Variants in TG observed in about 807,000 individuals in gnomAD.
TG encodes thyroid hormones.
TG carries 270 observed loss-of-function variants against 324.7 expected under a neutral mutation model. The observed-to-expected ratio is 0.83, with a 90% confidence interval of 0.75 to 0.92. The LOEUF is 0.92. Ranked by LOEUF, TG falls within the 40% of genes least tolerant of loss-of-function variation. The pLI is 0.00. For missense variants in TG, 3,591 were observed against 3,456.4 expected (o/e 1.04, Z -0.98); for synonymous variants, 1,401 against 1,327.0 (o/e 1.06, Z -1.21).
chr8:133,101,615 C>G (rs1316974311), intron 43 of TG, among the ~76,000 whole-genome samples: 1 of 152,214 alleles, frequency 6.6e-6, no homozygotes, highest in South Asian at 2.1e-4. Flanking sequence ...GGGTGTCCAG[C>G]ATGTTTTTGT....
chr8:132,900,286 T>C lies in TG; in HGVS notation c.3380T>C (p.Val1127Ala). 6.2e-7 allele frequency: 1 copy of C among 1,614,094 alleles called. No homozygotes were observed. The highest frequency in any genetic ancestry group is 1.7e-4 in the Middle Eastern group (1 of 6,056). ...LQASGAGTWC[V>A]DPASGEELRP... ...GCATCGGGGGCTGGCACCTGGTGTG[T>C]GGACCCTGCATCAGGAGAAGAGTTG... The change falls in exon 15 of 48, where the codon GTG becomes GCG. Residue 1127 changes from valine to alanine, a missense_variant. Val to Ala is a moderately conservative substitution (Grantham distance 64). Transcript: ENST00000220616.
intron 47 of TG, among the ~76,000 whole-genome samples, chr8:133,134,330 G>C (rs1182824565): frequency 6.6e-6 from 1 of 152,162 alleles, no homozygotes; most frequent in Non-Finnish European, 1.5e-5. Flanking sequence ...ATGCTGGGCT[G>C]TGGTTTTTAG....
At chr8:132,951,068 A>G (rs1826034754) in intron 27 of TG, among the ~76,000 whole-genome samples, 1 of 151,354 alleles carries the variant, frequency 6.6e-6, no homozygotes, top group African/African-American at 2.4e-5. Flanking sequence ...TTTCTTAACC[A>G]CTTCTCTGTA....
At position 132,887,980 on chromosome 8, in the gene TG, C is replaced by G; in HGVS notation, c.2177-4C>G. ...TGAAACACCTGCTCATTGTTCCTCC[C>G]CAGGCCCCACGCCCTGTCAATTACA... is the stretch of plus-strand genomic sequence containing the variant. On this transcript the variant is annotated splice_region_variant and splice_polypyrimidine_tract_variant and intron_variant, in intron 9 of 47. Coordinates refer to ENST00000220616, the MANE Select transcript of TG (RefSeq NM_003235.5). 4.3e-6 allele frequency: 7 copies of G among 1,612,420 alleles called. No individual in the cohort carries two copies. The highest frequency in any genetic ancestry group is 5.9e-6 in the Non-Finnish European group (7 of 1,179,292).
intron 43 of TG, among the ~76,000 whole-genome samples, chr8:133,097,593 AT>A (rs1012591905): frequency 6.6e-6 from 1 of 152,244 alleles, no homozygotes; most frequent in Non-Finnish European, 1.5e-5. Context: ...TAGCATTCAT[AT>A]TTTTAAAAAC....
intron 41 of TG, among the ~76,000 whole-genome samples, chr8:133,056,919 C>T (rs893583625): frequency 6.6e-6 from 1 of 152,182 alleles, no homozygotes; most frequent in Admixed American, 6.5e-5. Flanking sequence ...TGGCGGCTAC[C>T]TTCCACCATC....
chr8:132,872,068 TAGA>T (rs1471285340), intron 4 of TG, among the ~76,000 whole-genome samples: 2 of 152,202 alleles, frequency 1.3e-5, no homozygotes, highest in Non-Finnish European at 1.5e-5. Context: ...GAAAAGTTTA[TAGA>T]AGAAGGATAT....
intron 25 of TG, among the ~76,000 whole-genome samples, chr8:132,938,547 G>A (rs1015530430): frequency 1.3e-5 from 2 of 152,318 alleles, no homozygotes; most frequent in Admixed American, 1.3e-4. Flanking sequence ...GGTGCAATAA[G>A]CACTTTTGTA....
In TG at chr8:132,893,981, A is replaced by G. The variant is rs540608304; in HGVS notation, c.3001+52A>G. ...TACTGCATCGCTTTGGAAAAGCAGG[A>G]GCTTAAATTCGTCTCTCCTCAGTCA... On this transcript the variant is annotated intron_variant, in intron 11 of 47. Coordinates refer to ENST00000220616, the MANE Select transcript of TG (RefSeq NM_003235.5). 13 of 1,613,658 alleles carry G rather than the reference A, an allele frequency of 8.1e-6. No individual in the cohort carries two copies. The Admixed American group carries it at 1.8e-4, about 23-fold the overall frequency.
At chr8:133,121,964 C>G (rs751287821) in intron 45 of TG, among the ~76,000 whole-genome samples, 14 of 148,340 alleles carry the variant, frequency 9.4e-5, no homozygotes, top group Non-Finnish European at 1.5e-5. Flanking sequence ...ATCTCTCTTT[C>G]TCTCTCTCTC....
chr8:133,093,143 T>TC (rs55977841), intron 41 of TG, among the ~76,000 whole-genome samples: 4,688 of 93,520 alleles, frequency 0.05, 247 homozygotes, highest in African/African-American at 0.14. Context: ...TCTTTTCTTT[T>TC]TTTTTTTTAA....
rs752664668 is a variant in TG, at chr8:133,116,611, A to G, written c.7757A>G (p.Asp2586Gly). Residue 2586 changes from aspartate to glycine, a missense_variant and splice_region_variant, in exon 45 of 48, where the codon GAC becomes GGC. Asp to Gly is a moderately conservative substitution (Grantham distance 94). Transcript: ENST00000220616. The part of the protein sequence containing the change: ...FSRALENATR[D>G]YFIICPIIDM... ...CCCCCATGTTCTCTTTTCACCAGGGACTACTTTATCATCTGCCCTATAATC... is the reference window on the plus strand; with the variant it reads ...CCCCCATGTTCTCTTTTCACCAGGGGCTACTTTATCATCTGCCCTATAATC... 6.2e-7 allele frequency: 1 copy of G among 1,613,812 alleles called. No homozygotes were observed.
chr8:132,934,150 T>C (rs535116746), intron 24 of TG, among the ~76,000 whole-genome samples: 1 of 152,192 alleles, frequency 6.6e-6, no homozygotes, highest in East Asian at 1.9e-4. Context: ...CTGGCCAACA[T>C]GGAGAAACCC....
chr8:133,066,183 G>A (rs6992986), intron 41 of TG, among the ~76,000 whole-genome samples: 22,469 of 152,056 alleles, frequency 0.15, 2,223 homozygotes, highest in Non-Finnish European at 0.21. Context: ...TAAATTAGCC[G>A]GGCGTGGTGG....
At chr8:133,052,743 G>A (rs1365969706) in intron 41 of TG, among the ~76,000 whole-genome samples, 1 of 152,148 alleles carries the variant, frequency 6.6e-6, no homozygotes, top group Non-Finnish European at 1.5e-5. Context: ...ATACACAATT[G>A]CAAATACAAA....
chr8:132,977,968 G>A (rs561562278), intron 34 of TG, among the ~76,000 whole-genome samples: 2 of 152,208 alleles, frequency 1.3e-5, no homozygotes, highest in Non-Finnish European at 1.5e-5. Context: ...TCTGGCTAAG[G>A]AGACAGATGT....
At chr8:133,106,416 T>C (rs1341524633) in intron 43 of TG, 1 of 985,188 alleles carries the variant, frequency 1.0e-6, no homozygotes, top group Admixed American at 6.2e-5. Flanking sequence ...GCAGGTCACA[T>C]TTGCAAACCA....
intron 41 of TG, chr8:133,037,508 C>T (rs1459127551): frequency 6.6e-6 from 1 of 152,218 alleles, no homozygotes; most frequent in African/African-American, 2.4e-5. Flanking sequence ...AAATGAGCTC[C>T]TGAGTGTCCC....
chr8:132,970,284 G>A (rs1829322485), intron 32 of TG, among the ~76,000 whole-genome samples: 1 of 152,022 alleles, frequency 6.6e-6, no homozygotes, highest in African/African-American at 2.4e-5. Context: ...TGAAGATGAT[G>A]TCTCTCCTAG....
Sources: allele counts gnomAD v4.1 joint callset (sites outside exome capture counted in the v4.1 genomes callset), GRCh38; gene constraint gnomAD v4.1.1; transcripts MANE v1.5; gene names NCBI Gene and HGNC (gene_info 2026-07-23, HGNC 2026-07-21).